Variants in SEMA4B observed in about 807,000 individuals in gnomAD.
SEMA4B encodes semaphorin 4B.
SEMA4B carries 55 observed loss-of-function variants against 88.1 expected under a neutral mutation model. The ratio of observed to expected loss-of-function variants is 0.62; its 90% CI spans 0.50 to 0.78. The LOEUF is 0.78. SEMA4B is among the 30% of genes least tolerant of loss of function. The pLI is 0.00. For synonymous variants in SEMA4B, 525 were observed against 473.6 expected, an observed-to-expected ratio of 1.11 and a Z score of -1.41; for missense variants, 1,062 against 1,111.9, an observed-to-expected ratio of 0.96 and a Z score of 0.64.
rs1961300504 is a variant in SEMA4B at position 90,212,149 on chromosome 15, TTCCTACTCAGAACC to T, written c.158-5289_158-5276del. ...CATCACTTCCTACTCAGAACCCCAC[TTCCTACTCAGAACC>T]CCACTTCCTGGGGTGGGGAGTGGGG... On this transcript the variant is annotated intron_variant, in intron 1 of 13. Transcript: ENST00000411539. This position sits in a 1 kb window ranked among gnomAD's most constrained non-coding sequence, Gnocchi z 4.0. Among the ~76,000 whole-genome samples the T allele has an allele frequency of 6.8e-6, 1 of 147,978 alleles. No homozygotes were observed. The highest frequency in any genetic ancestry group is 1.5e-5 in the Non-Finnish European group (1 of 65,808).
chr15:90,216,339 C>T (rs368779614), intron 1 of SEMA4B, among the ~76,000 whole-genome samples: 1 of 152,154 alleles, frequency 6.6e-6, no homozygotes, highest in Non-Finnish European at 1.5e-5. Context: ...CTAACTTTCC[C>T]TCACTTACAT....
rs564971492 is a variant in SEMA4B, at chr15:90,201,400, G to T, written c.-179G>T. Reference sequence around the variant, plus strand: ...CGGCGGGAGGACTGCGGTGCCCCGCGGAGGGGCTGAGTTTGCCAGGGCCCA... The same window carrying T: ...CGGCGGGAGGACTGCGGTGCCCCGCTGAGGGGCTGAGTTTGCCAGGGCCCA... On this transcript the variant is annotated 5_prime_UTR_variant, in exon 1 of 14. Transcript: ENST00000411539. 414 of 1,277,752 alleles carry T rather than the reference G, an allele frequency of 3.2e-4. No homozygotes were observed. Among genetic ancestry groups the T allele is most frequent in the Admixed American group, 1.3e-3 (30 of 23,370 alleles). The allele number at this position is 1,277,752 out of a possible 1,614,324, so 79.2% of individuals were successfully genotyped here. A position where few individuals can be genotyped will look rare whatever the true frequency, so the allele number is the denominator to read the frequency against.
intron 1 of SEMA4B, among the ~76,000 whole-genome samples, chr15:90,207,300 G>T (rs139219702): frequency 6.7e-6 from 1 of 149,340 alleles, no homozygotes; most frequent in Non-Finnish European, 1.5e-5. Flanking sequence ...GGCCTGTGGC[G>T]AGGGGGTTTC....
intron 1 of SEMA4B, among the ~76,000 whole-genome samples, chr15:90,187,864 G>A (rs1404157944): frequency 1.3e-5 from 2 of 152,028 alleles, no homozygotes; most frequent in Admixed American, 6.6e-5. Context: ...AATTAGCCGG[G>A]CATGGTGGTG....
intron 1 of SEMA4B, among the ~76,000 whole-genome samples, chr15:90,186,676 G>A (rs972249511): frequency 2.6e-5 from 4 of 152,070 alleles, no homozygotes; most frequent in Non-Finnish European, 5.9e-5. Context: ...GGTGGCTCAC[G>A]CCTGTAATCC....
intron 7 of SEMA4B, 47 bp from the exon 8 acceptor site, chr15:90,223,512 A>T (rs781736128): frequency 6.7e-7 from 1 of 1,497,780 alleles, no homozygotes; most frequent in Non-Finnish European, 8.9e-7. Context: ...CATCCCCGTC[A>T]TGGCTCAGCA....
chr15:90,197,932 T>TAA (rs1454289724), upstream of SEMA4B, among the ~76,000 whole-genome samples: 1 of 140,082 alleles, frequency 7.1e-6, no homozygotes, highest in Non-Finnish European at 1.5e-5. Flanking sequence ...ATTAATTAAT[T>TAA]TTTTTTTTTT....
chr15:90,189,742 G>C (rs112662356), intron 1 of SEMA4B, among the ~76,000 whole-genome samples: 7 of 152,284 alleles, frequency 4.6e-5, no homozygotes, highest in African/African-American at 1.7e-4. Context: ...GGCGGGGAGT[G>C]GGGGCTGGTA....
chr15:90,205,518 C>T (rs1960946175), intron 1 of SEMA4B, among the ~76,000 whole-genome samples: 1 of 152,268 alleles, frequency 6.6e-6, no homozygotes, highest in Non-Finnish European at 1.5e-5. Context: ...AAGCTCCTGG[C>T]CTTCTCCAGG....
chr15:90,209,101 T>C (rs1961132217), intron 1 of SEMA4B, among the ~76,000 whole-genome samples: 1 of 152,134 alleles, frequency 6.6e-6, no homozygotes, highest in Non-Finnish European at 1.5e-5. Flanking sequence ...CTGGGGCCCC[T>C]CTCTGGGCTG....
chr15:90,217,310 A>G (rs1961577789), intron 1 of SEMA4B, 129 bp from the exon 2 acceptor site: 1 of 823,230 alleles, frequency 1.2e-6, no homozygotes, highest in Non-Finnish European at 1.9e-6. Flanking sequence ...CCCTGCCCCC[A>G]GCCCCTTGCC....
chr15:90,202,602 G>T (rs1190077817), intron 1 of SEMA4B, among the ~76,000 whole-genome samples: 1 of 152,212 alleles, frequency 6.6e-6, no homozygotes, highest in Non-Finnish European at 1.5e-5. Context: ...CTTCCACTGG[G>T]CAAGTAAGTG....
At chr15:90,206,762 G>T in intron 1 of SEMA4B, 1 of 765,036 alleles carries the variant, frequency 1.3e-6, no homozygotes. Context: ...TGTCAAGTTG[G>T]TGGAAGCCCT....
rs550304003 is a variant in SEMA4B at position 90,191,223 on chromosome 15, C to T, written c.-122+6142C>T. On this transcript the variant is annotated intron_variant, in intron 1 of 14. Coordinates refer to the SEMA4B transcript ENST00000332496. The stretch of plus-strand genomic sequence containing the variant: ...CCCCAGTGGGGGTGGTGCTGGGTGT[C>T]AGGCTCCTCACCACAGCGGACGCAC... Among the ~76,000 whole-genome samples, 10 of 152,318 alleles carry T rather than the reference C, an allele frequency of 6.6e-5. No homozygotes were observed. The East Asian group carries it at 1.9e-3, about 29-fold the overall frequency.
chr15:90,217,688 GGAT>G (rs1395934251), intron 2 of SEMA4B, 76 bp from the exon 3 acceptor site: 15 of 1,604,214 alleles, frequency 9.4e-6, no homozygotes, highest in Non-Finnish European at 1.2e-5. Flanking sequence ...CTGGGTCCAA[GGAT>G]GATGCCTATG....
At chr15:90,191,784 G>A (rs938083835) in intron 1 of SEMA4B, 5 of 152,282 alleles carry the variant, frequency 3.3e-5, no homozygotes, top group Non-Finnish European at 7.3e-5. Flanking sequence ...GAGTTTTGAA[G>A]GCAGTGTAAG....
intron 1 of SEMA4B, among the ~76,000 whole-genome samples, chr15:90,208,778 A>G (rs1301343178): frequency 7.0e-6 from 1 of 143,332 alleles, no homozygotes; most frequent in African/African-American, 2.6e-5. Context: ...ATGGGGTCTC[A>G]CTCTGTCACC....
intron 1 of SEMA4B, among the ~76,000 whole-genome samples, chr15:90,192,942 T>C (rs1960388334): frequency 6.6e-6 from 1 of 152,072 alleles, no homozygotes. Flanking sequence ...GCTTCTGTCC[T>C]TGTGTATGTA....
At chr15:90,206,616 C>A in intron 1 of SEMA4B, 1 of 609,718 alleles carries the variant, frequency 1.6e-6, no homozygotes, top group South Asian at 1.9e-5. Context: ...GACATTAATG[C>A]TGCTTTACAA....
Sources: gnomAD v4.1 joint callset for allele counts (sites outside exome capture counted in the v4.1 genomes callset) on GRCh38, gnomAD v4.1.1 for gene constraint, Gnocchi (gnomAD v3.1) non-coding constraint, MANE v1.5 for transcripts, NCBI Gene and HGNC (gene_info 2026-07-23, HGNC 2026-07-21) for gene names.